Variants in TMEM123 observed in about 807,000 individuals in gnomAD.
TMEM123 encodes the protein porimin.
A neutral mutation model predicts 19.7 loss-of-function variants in TMEM123; 16 were observed. The ratio of observed to expected loss-of-function variants is 0.81; its 90% CI spans 0.55 to 1.23. TMEM123 has a LOEUF of 1.23. TMEM123 is among the 50% of genes most tolerant of loss of function. TMEM123 has a pLI of 0.00. For missense variants in TMEM123, 313 were observed against 257.8 expected, an observed-to-expected ratio of 1.21 and a Z score of -1.47; for synonymous variants, 118 against 99.4, an observed-to-expected ratio of 1.19 and a Z score of -1.12.
At chr11:102,431,554 T>G (rs927335086) in intron 2 of TMEM123, among the ~76,000 whole-genome samples, 1 of 152,212 alleles carries the variant, frequency 6.6e-6, no homozygotes, top group Admixed American at 6.5e-5. Context: ...TTCCCCACCC[T>G]GCAGCTTCTG....
intron 2 of TMEM123, among the ~76,000 whole-genome samples, chr11:102,445,874 T>C (rs1857879357): frequency 6.6e-6 from 1 of 152,112 alleles, no homozygotes; most frequent in African/African-American, 2.4e-5. Context: ...CTCACTAGAG[T>C]GGCCCAAATG....
At chr11:102,452,216 GAAAGGCTGTA>G (rs1437111354) in intron 1 of TMEM123, 4 of 280,826 alleles carry the variant, frequency 1.4e-5, no homozygotes, top group Non-Finnish European at 2.6e-5. Flanking sequence ...TAACTTCAGG[GAAAGGCTGTA>G]AAAACCAACT....
intron 2 of TMEM123, among the ~76,000 whole-genome samples, chr11:102,447,218 C>T (rs1408053922): frequency 6.6e-6 from 1 of 152,234 alleles, no homozygotes; most frequent in East Asian, 1.9e-4. Context: ...ATCCCACTGA[C>T]TCTGGAGCTG....
At chr11:102,448,781 A>T in intron 2 of TMEM123, 31 bp downstream of exon 2, 1 of 1,606,106 alleles carries the variant, frequency 6.2e-7, no homozygotes. Context: ...AGACAAATGA[A>T]AATTTGTTTT....
In TMEM123 at chr11:102,452,732, G is replaced by GT; in HGVS notation, c.-110_-109insA. 2.4e-6 allele frequency: 2 copies of GT among 845,740 alleles called. No individual in the cohort carries two copies. The highest frequency in any genetic ancestry group is 3.2e-6 in the Non-Finnish European group (2 of 618,110). The allele number at this position is 845,740 out of a possible 1,614,324, so 52.4% of individuals were successfully genotyped here. A position where few individuals can be genotyped will look rare whatever the true frequency, so the allele number is the denominator to read the frequency against. Reference sequence around the variant, plus strand: ...CCGGCTCCGCTTCCCCTTCGGCCGCGCACGTTTCCCCTCCCGCCGCTTGCC... The same window carrying GT: ...CCGGCTCCGCTTCCCCTTCGGCCGCGTCACGTTTCCCCTCCCGCCGCTTGCC... On this transcript the variant is annotated 5_prime_UTR_variant, in exon 1 of 5. Transcript: ENST00000398136.
chr11:102,404,040 T>C (rs2135843102), intron 2 of TMEM123, among the ~76,000 whole-genome samples: 1 of 152,306 alleles, frequency 6.6e-6, no homozygotes, highest in African/African-American at 2.4e-5. Context: ...TATTCCTTTA[T>C]AGCAACACAA....
chr11:102,399,544 T>C (rs1951891578), intron 4 of TMEM123, among the ~76,000 whole-genome samples: 1 of 152,246 alleles, frequency 6.6e-6, no homozygotes, highest in Admixed American at 6.5e-5. Flanking sequence ...ACCACCTTAA[T>C]ATTCTTTTAA....
intron 2 of TMEM123, among the ~76,000 whole-genome samples, chr11:102,438,006 A>G (rs1857782741): frequency 6.6e-6 from 1 of 151,916 alleles, no homozygotes; most frequent in South Asian, 2.1e-4. Flanking sequence ...TTTTTTCCAC[A>G]TCACCCTCTT....
chr11:102,444,042 A>G lies in TMEM123; in HGVS notation c.157+4770T>C, dbSNP rs188952629. ...AATGGCAATCATTTAAAAAGTCAGGAAACAACAGATGCTGGAGAGGATGTG... is the reference window on the plus strand; with the variant it reads ...AATGGCAATCATTTAAAAAGTCAGGGAACAACAGATGCTGGAGAGGATGTG... On this transcript the variant is annotated intron_variant, in intron 2 of 4. Transcript: ENST00000398136. Among the ~76,000 whole-genome samples the G allele has an allele frequency of 1.8e-4, 28 of 152,306 alleles. No homozygotes were observed. The East Asian group carries it at 5.4e-3, about 29-fold the overall frequency.
chr11:102,396,421 A>T lies in TMEM123; in HGVS notation c.*2446T>A, dbSNP rs1315695075. The stretch of plus-strand genomic sequence containing the variant: ...GTCATTATAATAAAAAGAAAAGAAG[A>T]GTTTAACTTTTTTTTTGTGAAAATA... On this transcript the variant is annotated 3_prime_UTR_variant, in exon 5 of 5. Coordinates refer to ENST00000398136, the MANE Select transcript of TMEM123 (RefSeq NM_052932.3). 1 of 152,176 alleles carries T rather than the reference A, an allele frequency of 6.6e-6. No individual in the cohort carries two copies. The highest frequency in any genetic ancestry group is 1.5e-5 in the Non-Finnish European group (1 of 68,042). 9.4% of individuals were successfully genotyped at this position (152,176 alleles called of 1,614,324 possible). A position where few individuals can be genotyped will look rare whatever the true frequency, so the allele number is the denominator to read the frequency against.
chr11:102,441,017 A>C (rs1857820281), intron 2 of TMEM123, among the ~76,000 whole-genome samples: 1 of 152,214 alleles, frequency 6.6e-6, no homozygotes, highest in South Asian at 2.1e-4. Context: ...ATATGCACCC[A>C]ATACAGGAGC....
chr11:102,401,175 T>C (rs148383902), intron 4 of TMEM123, among the ~76,000 whole-genome samples: 206 of 152,296 alleles, frequency 1.4e-3, no homozygotes, highest in African/African-American at 4.7e-3. Flanking sequence ...AAGGATGCTA[T>C]TTAGTACCAC....
chr11:102,419,292 C>G (rs1344299362), intron 2 of TMEM123, among the ~76,000 whole-genome samples: 1 of 152,168 alleles, frequency 6.6e-6, no homozygotes, highest in African/African-American at 2.4e-5. Flanking sequence ...AATCCTTATT[C>G]ATGTTTCCTC....
chr11:102,440,303 G>T (rs367777138), intron 2 of TMEM123, among the ~76,000 whole-genome samples: 1 of 152,178 alleles, frequency 6.6e-6, no homozygotes, highest in African/African-American at 2.4e-5. Flanking sequence ...CAGAGAGAAA[G>T]GTTGGGTTAT....
chr11:102,419,374 C>A (rs1037799305), intron 2 of TMEM123, among the ~76,000 whole-genome samples: 6 of 152,082 alleles, frequency 3.9e-5, no homozygotes, highest in African/African-American at 1.4e-4. Context: ...CCTTGTATAC[C>A]TGCCTGGACA....
chr11:102,431,046 T>C (rs1382220886), intron 2 of TMEM123, among the ~76,000 whole-genome samples: 1 of 152,212 alleles, frequency 6.6e-6, no homozygotes, highest in Non-Finnish European at 1.5e-5. Context: ...ACTAGTTGTT[T>C]TCATGTCATG....
intron 3 of TMEM123, 99 bp downstream of exon 3, chr11:102,401,817 T>C: frequency 3.3e-6 from 5 of 1,509,228 alleles, no homozygotes; most frequent in Non-Finnish European, 3.6e-6. Flanking sequence ...TCTAGGCATA[T>C]AAAGTTTCTA....
intron 2 of TMEM123, among the ~76,000 whole-genome samples, chr11:102,402,453 A>G (rs1951922738): frequency 6.6e-6 from 1 of 152,114 alleles, no homozygotes; most frequent in Non-Finnish European, 1.5e-5. Flanking sequence ...ATGAAGAAAA[A>G]AAAAAACAAC....
chr11:102,401,589 G>A lies in TMEM123; in HGVS notation c.552C>T (p.Tyr184=). The change falls in exon 4 of 5, where the codon TAC becomes TAT. Residue 184 remains tyrosine, a synonymous_variant. Transcript: ENST00000398136. ...VLTLGVLSIL[Y]IGCKMYYSRR... ...TTGAGTAATACATTTTGCATCCAAT[G>A]TAAAGAATAGATAAAACTCCCAGCG... 1 of 1,602,146 alleles carries A rather than the reference G, an allele frequency of 6.2e-7. No homozygotes were observed. Among genetic ancestry groups the A allele is most frequent in the Non-Finnish European group, 8.5e-7 (1 of 1,177,210 alleles).
Sources: gnomAD v4.1 joint callset for allele counts (sites outside exome capture counted in the v4.1 genomes callset) on GRCh38, gnomAD v4.1.1 for gene constraint, MANE v1.5 for transcripts, NCBI Gene and HGNC (gene_info 2026-07-23, HGNC 2026-07-21) for gene names.